Variants in MEG3 observed in about 807,000 individuals in gnomAD.
MEG3 encodes the protein Very putative protein from MEG3 locus.
At chr14:100,832,138 C>T (rs2037413559), downstream of MEG3, 1 of 151,712 alleles carries the variant, frequency 6.6e-6, no homozygotes, top group South Asian at 2.1e-4. Flanking sequence ...GAAAGGGAGA[C>T]TTAGAAAATA....
chr14:100,829,615 A>C (rs2139937220), downstream of MEG3: 1 of 152,342 alleles, frequency 6.6e-6, no homozygotes, highest in African/African-American at 2.4e-5. Flanking sequence ...GGCATAGAGG[A>C]GGTGATCAGC....
rs1438997310 is a variant in MEG3, at chr14:100,837,605, C to T, written n.3045+1305C>T. On this transcript the variant is annotated intron_variant and non_coding_transcript_variant, in intron 2 of 3. Coordinates refer to the MEG3 transcript ENST00000398461. The surrounding 1 kb of genome is among the most constrained non-coding windows in gnomAD (Gnocchi z 5.8). ...AACACAGCTGCACGCTGGGTGGGGC[C>T]CAGCCTCTAGTCCTCAGCCATGTGC... 6.6e-6 allele frequency among the ~76,000 whole-genome samples: 1 copy of T among 152,106 alleles called. No homozygotes were observed. Among genetic ancestry groups the T allele is most frequent in the Admixed American group, 6.5e-5 (1 of 15,286 alleles).
chr14:100,832,404 TATTTCA>T (rs2037421884), downstream of MEG3: 1 of 152,180 alleles, frequency 6.6e-6, no homozygotes, highest in Non-Finnish European at 1.5e-5. Flanking sequence ...GTACACGAAG[TATTTCA>T]GTGAATGAAT....
chr14:100,842,219 C>T (rs542985074), intron 2 of MEG3, among the ~76,000 whole-genome samples: 13 of 152,282 alleles, frequency 8.5e-5, no homozygotes, highest in South Asian at 2.1e-4. Context: ...TTCAATTAGA[C>T]GGGCAGACTG....
chr14:100,843,188 C>T (rs2037809683), intron 2 of MEG3, among the ~76,000 whole-genome samples: 1 of 152,164 alleles, frequency 6.6e-6, no homozygotes, highest in South Asian at 2.1e-4. Flanking sequence ...CAGGAAAAAA[C>T]CCAGATGCTC....
At chr14:100,831,399 G>T (rs1760666528), downstream of MEG3, 1 of 152,680 alleles carries the variant, frequency 6.5e-6, no homozygotes, top group South Asian at 2.1e-4. Context: ...AGCCACTACA[G>T]TCTCTGTCTT....
At chr14:100,858,935 T>C (rs1166499996) in exon 1 of MEG3, 1 of 152,650 alleles carries the variant, frequency 6.6e-6, no homozygotes, top group Non-Finnish European at 1.5e-5. Flanking sequence ...GGCCTGTGTG[T>C]GACCTAAGGC....
chr14:100,860,626 T>G, intron 1 of MEG3: 1 of 456,416 alleles, frequency 2.2e-6, no homozygotes, highest in Non-Finnish European at 4.4e-6. Context: ...TGTCTGTCTG[T>G]GAACTCTTGT....
upstream of MEG3, chr14:100,853,151 T>G (rs2051725335): frequency 1.3e-5 from 2 of 152,286 alleles, no homozygotes; most frequent in African/African-American, 2.4e-5. Context: ...GTTGGGATCC[T>G]AGTGCTCCTG....
chr14:100,832,468 T>G (rs938453489), downstream of MEG3: 1 of 152,588 alleles, frequency 6.6e-6, no homozygotes, highest in Non-Finnish European at 1.5e-5. Flanking sequence ...GCGGTGTTTT[T>G]CAGTTTTATT....
chr14:100,834,656 GC>G (rs1240849082), exon 1 of MEG3: 1 of 456,094 alleles, frequency 2.2e-6, no homozygotes, highest in African/African-American at 2.0e-5. Flanking sequence ...ATCCCGGGGT[GC>G]CCTTGACCAG....
At chr14:100,831,374 G>A (rs1016809666), downstream of MEG3, 1 of 152,684 alleles carries the variant, frequency 6.5e-6, no homozygotes, top group African/African-American at 2.4e-5. Context: ...CCAGGTCCCT[G>A]CTGTCATCTT....
At position 100,840,400 on chromosome 14, in the gene MEG3, C is replaced by A. The variant is rs1051087965; in HGVS notation, n.3045+4100C>A. Reference sequence around the variant, plus strand: ...TCAGGCCGAGAGGAATGTGGGGGAGCCCCCCGTGGGGAACAGCCACCTGGG... The same window carrying A: ...TCAGGCCGAGAGGAATGTGGGGGAGACCCCCGTGGGGAACAGCCACCTGGG... On this transcript the variant is annotated intron_variant and non_coding_transcript_variant, in intron 2 of 3. Transcript: ENST00000398461. Among the ~76,000 whole-genome samples the A allele has an allele frequency of 4.0e-5, 6 of 151,666 alleles. No homozygotes were observed. The East Asian group carries it at 1.2e-3, about 29-fold the overall frequency.
intron 1 of MEG3, among the ~76,000 whole-genome samples, chr14:100,828,339 ACTCCT>A (rs1342048739): frequency 7.2e-6 from 1 of 139,344 alleles, no homozygotes; most frequent in Non-Finnish European, 1.6e-5. Flanking sequence ...ACCCCCTCCC[ACTCCT>A]CTCCTCCACC....
upstream of MEG3, chr14:100,857,196 C>T (rs1002830668): frequency 6.6e-6 from 1 of 152,196 alleles, no homozygotes; most frequent in Non-Finnish European, 1.5e-5. Context: ...AGCCTTGTTT[C>T]GGCGTCATGT....
At chr14:100,850,676 A>G (rs1443604760) in intron 3 of MEG3, 1 of 152,148 alleles carries the variant, frequency 6.6e-6, no homozygotes, top group Non-Finnish European at 1.5e-5. Context: ...AGAAAGAAAG[A>G]TGCAATTTGG....
At chr14:100,857,148 A>G (rs1341215805), upstream of MEG3, 2 of 152,220 alleles carry the variant, frequency 1.3e-5, no homozygotes, top group Non-Finnish European at 2.9e-5. Flanking sequence ...ACCATATTGT[A>G]TCTTACGGAC....
chr14:100,834,306 C>A (rs559497828), exon 1 of MEG3: 2 of 194,988 alleles, frequency 1.0e-5, no homozygotes, highest in Non-Finnish European at 2.1e-5. Flanking sequence ...GCCCCAAAGC[C>A]ACTGTTAGTG....
intron 2 of MEG3, among the ~76,000 whole-genome samples, chr14:100,839,770 T>G (rs2037695824): frequency 6.6e-6 from 1 of 152,176 alleles, no homozygotes; most frequent in Non-Finnish European, 1.5e-5. Context: ...GAGGGCACTC[T>G]GCCAGAAGAG....
Sources: gnomAD v4.1 joint callset for allele counts (sites outside exome capture counted in the v4.1 genomes callset) on GRCh38, gnomAD v4.1.1 for gene constraint, Gnocchi (gnomAD v3.1) non-coding constraint, MANE v1.5 for transcripts, NCBI Gene and HGNC (gene_info 2026-07-23, HGNC 2026-07-21) for gene names.